ANKRD11: variants seen among roughly 807,000 people sequenced by gnomAD.
ANKRD11 encodes the protein ankyrin repeat domain 11.
In ANKRD11, 17 loss-of-function variants were observed where a neutral mutation model predicts 195.7. The observed-to-expected ratio is 0.09, with a 90% confidence interval of 0.06 to 0.13. ANKRD11 has a LOEUF of 0.13. Among genes scored for constraint, ANKRD11 ranks in the 10% least tolerant of loss-of-function variants. ANKRD11 has a pLI of 1.00. For missense variants in ANKRD11, 3,735 were observed against 3,566.1 expected, an observed-to-expected ratio of 1.05 and a Z score of -1.21; for synonymous variants, 1,953 against 1,528.1, an observed-to-expected ratio of 1.28 and a Z score of -6.49.
At chr16:89,459,520 C>T (rs1008769053) in intron 1 of ANKRD11, 3 of 152,120 alleles carry the variant, frequency 2.0e-5, no homozygotes, top group East Asian at 1.9e-4. Context: ...TATTTCCAAC[C>T]TTAAGTGAAT....
rs762451759 is a variant in ANKRD11, at chr16:89,280,732, C to T, written c.5810G>A (p.Gly1937Asp). The change falls in exon 9 of 13, where the codon GGT becomes GAT. Residue 1937 changes from glycine (G) to aspartate (D), a missense_variant. Transcript: ENST00000301030. ...EPSYLEPLDE[G>D]PFSAVITEEP... ...CTCGGTGATGACGGCGCTGAAGGGA[C>T]CCTCGTCCAGCGGCTCCAGGTAGCT... The T allele has an allele frequency of 5.6e-6, 9 of 1,613,176 alleles. No individual in the cohort carries two copies. Among genetic ancestry groups the T allele is most frequent in the Non-Finnish European group, 7.6e-6 (9 of 1,179,858 alleles).
intron 4 of ANKRD11, chr16:89,299,866 GTGTGGGGT>G: frequency 4.9e-6 from 1 of 203,824 alleles, no homozygotes. Context: ...TGTGTGGGGT[GTGTGGGGT>G]CTGTACCCTG....
At chr16:89,410,458 C>G (rs981838051) in intron 2 of ANKRD11, among the ~76,000 whole-genome samples, 1 of 152,276 alleles carries the variant, frequency 6.6e-6, no homozygotes, top group Non-Finnish European at 1.5e-5. Flanking sequence ...AGCCCTCAGA[C>G]CAGACTAAGA....
At chr16:89,427,859 A>AG (rs1356932869) in intron 1 of ANKRD11, among the ~76,000 whole-genome samples, 2 of 152,064 alleles carry the variant, frequency 1.3e-5, no homozygotes, top group East Asian at 1.9e-4. Context: ...TTAATTATTA[A>AG]GGGGGCAAAA....
chr16:89,423,409 C>A (rs1421615904), intron 1 of ANKRD11, among the ~76,000 whole-genome samples: 1 of 152,252 alleles, frequency 6.6e-6, no homozygotes, highest in East Asian at 1.9e-4. Flanking sequence ...TCCCTGCTTC[C>A]CACAGAACGG....
At chr16:89,286,525 G>C (rs867776807) in intron 7 of ANKRD11, 13 of 566,808 alleles carry the variant, frequency 2.3e-5, no homozygotes, top group South Asian at 9.9e-5. Flanking sequence ...TCTCACGAAG[G>C]CTCTCCCCTC....
In ANKRD11 at chr16:89,284,036, C is replaced by G; in HGVS notation, c.2506G>C (p.Asp836His). 6.2e-7 allele frequency: 1 copy of G among 1,614,114 alleles called. No homozygotes were observed. The highest frequency in any genetic ancestry group is 8.5e-7 in the Non-Finnish European group (1 of 1,180,034). ...NEDTKFSLSD[D>H]QRDRWFSDLS... ...TCAGAAAACCACCGATCTCGCTGAT[C>G]GTCAGAAAGGCTAAATTTGGTGTCT... The change falls in exon 9 of 13, where the codon GAT (aspartate) becomes CAT (histidine). Residue 836 changes from aspartate to histidine, a missense_variant. By Grantham distance (81) the Asp-to-His change is moderately conservative. Transcript: ENST00000301030.
intron 1 of ANKRD11, among the ~76,000 whole-genome samples, chr16:89,428,973 C>CA (rs1211991694): frequency 6.6e-6 from 1 of 151,604 alleles, no homozygotes; most frequent in African/African-American, 2.4e-5. Context: ...TGTGAGCCCA[C>CA]AATGATTTGT....
At chr16:89,472,295 T>C (rs988264070) in intron 1 of ANKRD11, among the ~76,000 whole-genome samples, 1 of 152,174 alleles carries the variant, frequency 6.6e-6, no homozygotes, top group Non-Finnish European at 1.5e-5. Context: ...CCTGTGCTTT[T>C]GTGTTTGTGT....
At chr16:89,273,008 G>A (rs1301567865) in intron 11 of ANKRD11, 9 of 150,674 alleles carry the variant, frequency 6.0e-5, no homozygotes, top group Admixed American at 2.0e-4. Context: ...AGGGTTGTGG[G>A]GGGCTGGCAG....
At position 89,280,281 on chromosome 16, in the gene ANKRD11, G is replaced by A. The variant is rs370993869; in HGVS notation, c.6261C>T (p.Ala2087=). The change falls in exon 9 of 13, where the codon GCC becomes GCT. Residue 2087 remains alanine, a synonymous_variant. Transcript: ENST00000301030. The stretch of plus-strand genomic sequence containing the variant: ...CCAGAGCCTCCACCTGAGCCACAGC[G>A]GCTACACAGGCGGGCTCGGGGGCCA... The part of the protein sequence containing the change: ...LDVAPEPACV[A]AVAQVEALGP... The A allele has an allele frequency of 8.0e-5, 129 of 1,607,044 alleles. No homozygotes were observed. The highest frequency in any genetic ancestry group is 9.5e-5 in the Non-Finnish European group (112 of 1,177,832).
chr16:89,415,578 T>A (rs1467732358), intron 2 of ANKRD11, among the ~76,000 whole-genome samples: 1 of 151,622 alleles, frequency 6.6e-6, no homozygotes, highest in Admixed American at 6.6e-5. Context: ...ATTCTTTTTT[T>A]AAACCCTGCA....
intron 2 of ANKRD11, among the ~76,000 whole-genome samples, chr16:89,365,868 A>C (rs3102387): frequency 0.58 from 87,601 of 151,718 alleles, 25,416 homozygotes; most frequent in Middle Eastern, 0.75. Flanking sequence ...CTCCACCCCC[A>C]ACCCTCAAGC....
At chr16:89,330,678 G>GGGT in intron 2 of ANKRD11, among the ~76,000 whole-genome samples, 1 of 64,884 alleles carries the variant, frequency 1.5e-5, no homozygotes. Flanking sequence ...GGGGGGGGCG[G>GGGT]GGGCGGAGGA....
intron 1 of ANKRD11, among the ~76,000 whole-genome samples, chr16:89,446,404 G>C (rs1476436892): frequency 6.6e-6 from 1 of 152,138 alleles, no homozygotes; most frequent in African/African-American, 2.4e-5. Flanking sequence ...TGGAGTTCGA[G>C]ACCAGCCTGG....
At chr16:89,482,890 C>T (rs925750043) in intron 1 of ANKRD11, among the ~76,000 whole-genome samples, 1 of 152,188 alleles carries the variant, frequency 6.6e-6, no homozygotes, top group Admixed American at 6.5e-5. Flanking sequence ...CTCTGGAACA[C>T]GGAAAAGACA....
At chr16:89,407,961 G>C (rs2152196575) in intron 2 of ANKRD11, among the ~76,000 whole-genome samples, 1 of 151,896 alleles carries the variant, frequency 6.6e-6, no homozygotes, top group South Asian at 2.1e-4. Context: ...AAGTTTTTAA[G>C]TAAAGAACAA....
chr16:89,399,040 C>CAA (rs968563566), intron 2 of ANKRD11, among the ~76,000 whole-genome samples: 4 of 152,150 alleles, frequency 2.6e-5, no homozygotes, highest in African/African-American at 9.7e-5. Context: ...ACGCAGTTTC[C>CAA]AAGCAAGGCA....
intron 1 of ANKRD11, among the ~76,000 whole-genome samples, chr16:89,466,964 T>A (rs1033543463): frequency 2.0e-5 from 3 of 152,222 alleles, no homozygotes; most frequent in Non-Finnish European, 4.4e-5. Context: ...CCCTACCCTG[T>A]CAGTTCATTA....
Sources: gnomAD v4.1 joint callset for allele counts (sites outside exome capture counted in the v4.1 genomes callset) on GRCh38, gnomAD v4.1.1 for gene constraint, MANE v1.5 for transcripts, NCBI Gene and HGNC (gene_info 2026-07-23, HGNC 2026-07-21) for gene names.